Variants in NBAS observed in about 807,000 individuals in gnomAD.
NBAS encodes the protein NBAS subunit of NRZ tethering complex.
A neutral mutation model predicts 302.5 loss-of-function variants in NBAS; 219 were observed. The ratio of observed to expected loss-of-function variants is 0.72; its 90% CI spans 0.65 to 0.81. NBAS has a LOEUF of 0.81. Among genes scored for constraint, NBAS ranks in the 30% least tolerant of loss-of-function variants. The pLI, the probability that NBAS is intolerant of heterozygous loss-of-function variation, is 0.00. For missense variants in NBAS, 2,932 were observed against 2,841.6 expected, an observed-to-expected ratio of 1.03 and a Z score of -0.72; for synonymous variants, 1,118 against 1,021.6, an observed-to-expected ratio of 1.09 and a Z score of -1.80.
the NBAS span, among the ~76,000 whole-genome samples, chr2:15,085,493 C>T: frequency 6.6e-6 from 1 of 152,162 alleles, no homozygotes; most frequent in Admixed American, 6.5e-5. Flanking sequence ...GGCGGTATCA[C>T]CCCTGCCCCA....
intron 48 of NBAS, among the ~76,000 whole-genome samples, chr2:15,218,024 G>C (rs1666729076): frequency 1.3e-5 from 2 of 152,152 alleles, no homozygotes; most frequent in South Asian, 4.1e-4. Context: ...GAGAAACTAA[G>C]GTCTTGTGTC....
Position 15,183,892 on chromosome 2 carries a change from A to C in NBAS, c.6711+2850T>G, listed in dbSNP as rs1344906208. ...AAAAAACACTTAGCAATCACTGACC[A>C]GATGATTCTGAGATCAAATGAGACC... is the stretch of plus-strand genomic sequence containing the variant. On this transcript the variant is annotated intron_variant, in intron 50 of 51. Coordinates refer to ENST00000281513, the MANE Select transcript of NBAS (RefSeq NM_015909.4). Among the ~76,000 whole-genome samples the C allele has an allele frequency of 4.6e-5, 7 of 152,302 alleles. No homozygotes were observed. In the East Asian group the frequency reaches 1.4e-3, roughly 29 times the overall value.
At chr2:15,308,126 C>T (rs1558521048) in intron 40 of NBAS, 90 bp downstream of exon 40, 1 of 1,574,754 alleles carries the variant, frequency 6.4e-7, no homozygotes, top group East Asian at 2.2e-5. Context: ...CATATGTAAT[C>T]AGTTCCTCCA....
At chr2:15,198,119 C>T (rs1036309092) in intron 48 of NBAS, among the ~76,000 whole-genome samples, 1 of 152,198 alleles carries the variant, frequency 6.6e-6, no homozygotes, top group Non-Finnish European at 1.5e-5. Context: ...AAGAAAGTGT[C>T]AGTTGCTCTG....
intron 40 of NBAS, among the ~76,000 whole-genome samples, chr2:15,299,114 C>G (rs1336427293): frequency 6.6e-6 from 1 of 152,162 alleles, no homozygotes; most frequent in African/African-American, 2.4e-5. Context: ...CTCTAGGAAG[C>G]TTATGAAGAG....
the NBAS span, among the ~76,000 whole-genome samples, chr2:14,998,569 A>T: frequency 6.6e-6 from 1 of 152,214 alleles, no homozygotes; most frequent in South Asian, 2.1e-4. Flanking sequence ...GAAAATGTAC[A>T]AATTGGGGGA....
the NBAS span, among the ~76,000 whole-genome samples, chr2:15,094,913 A>C: frequency 9.9e-5 from 15 of 152,192 alleles, no homozygotes; most frequent in African/African-American, 3.6e-4. Context: ...AGCAAACCAC[A>C]ACTTTCTTTT....
chr2:15,512,368 T>C (rs1015836266), intron 9 of NBAS, among the ~76,000 whole-genome samples: 1 of 152,192 alleles, frequency 6.6e-6, no homozygotes, highest in Non-Finnish European at 1.5e-5. Flanking sequence ...CACTATATTA[T>C]GGTAGAAAGC....
chr2:14,887,410 A>AAAAAAGAAAAAG, the NBAS span, among the ~76,000 whole-genome samples: 4 of 150,564 alleles, frequency 2.7e-5, no homozygotes. Context: ...AAAAAAAAAA[A>AAAAAAGAAAAAG]AAAAAGATAG....
chr2:15,064,142 A>G, the NBAS span, among the ~76,000 whole-genome samples: 1 of 152,188 alleles, frequency 6.6e-6, no homozygotes, highest in African/African-American at 2.4e-5. Context: ...CTACAAACTG[A>G]GCTCAAAGTT....
intron 48 of NBAS, among the ~76,000 whole-genome samples, chr2:15,191,040 T>C (rs921549703): frequency 6.6e-6 from 1 of 152,170 alleles, no homozygotes; most frequent in Admixed American, 6.5e-5. Flanking sequence ...ACAAATCACA[T>C]CTCCAATGTC....
the NBAS span, among the ~76,000 whole-genome samples, chr2:14,813,007 A>T: frequency 6.6e-6 from 1 of 152,126 alleles, no homozygotes; most frequent in Non-Finnish European, 1.5e-5. Context: ...CTGCCACTAT[A>T]TGAAGACGTG....
At chr2:14,953,044 G>C in the NBAS span, among the ~76,000 whole-genome samples, 1 of 152,250 alleles carries the variant, frequency 6.6e-6, no homozygotes, top group Admixed American at 6.5e-5. Flanking sequence ...ACTGAGCAGG[G>C]AAGGATGTTC....
chr2:14,851,145 G>A, the NBAS span, among the ~76,000 whole-genome samples: 1 of 132,088 alleles, frequency 7.6e-6, no homozygotes, highest in Non-Finnish European at 1.5e-5. Context: ...CCAGGAGCTG[G>A]TTTTTTGAAA....
At chr2:15,238,383 G>C in intron 45 of NBAS, 85 bp downstream of exon 45, 2 of 1,387,734 alleles carry the variant, frequency 1.4e-6, no homozygotes, top group South Asian at 2.5e-5. Context: ...TGAAAACCCT[G>C]TCAAAACGAC....
intron 25 of NBAS, among the ~76,000 whole-genome samples, chr2:15,403,693 A>C (rs926325670): frequency 6.6e-6 from 1 of 152,060 alleles, no homozygotes; most frequent in Non-Finnish European, 1.5e-5. Context: ...AATCCCCCCC[A>C]GATACTGAGG....
the NBAS span, among the ~76,000 whole-genome samples, chr2:14,782,333 T>A: frequency 6.6e-6 from 1 of 152,102 alleles, no homozygotes; most frequent in Non-Finnish European, 1.5e-5. Flanking sequence ...AGGACATACA[T>A]GTGGCCAACA....
intron 23 of NBAS, among the ~76,000 whole-genome samples, chr2:15,420,546 C>T (rs987671721): frequency 6.6e-6 from 1 of 151,580 alleles, no homozygotes; most frequent in African/African-American, 2.4e-5. Flanking sequence ...AGGGGAGGGG[C>T]AGAGAGAGTA....
chr2:15,036,439 C>A, the NBAS span, among the ~76,000 whole-genome samples: 2 of 152,136 alleles, frequency 1.3e-5, no homozygotes, highest in African/African-American at 2.4e-5. Context: ...ACAATCCCTG[C>A]AAGGTTAGGT....
Sources: gnomAD v4.1 joint callset for allele counts (sites outside exome capture counted in the v4.1 genomes callset) on GRCh38, gnomAD v4.1.1 for gene constraint, MANE v1.5 for transcripts, NCBI Gene and HGNC (gene_info 2026-07-23, HGNC 2026-07-21) for gene names.